GALNTL6: variants seen among roughly 807,000 people sequenced by gnomAD.
GALNTL6 encodes polypeptide N-acetylgalactosaminyltransferase like 6.
In GALNTL6, 46 loss-of-function variants were observed where a neutral mutation model predicts 73.7. The observed-to-expected ratio is 0.62, with a 90% CI of 0.49 to 0.80. The LOEUF is 0.80. GALNTL6 is among the 30% of genes least tolerant of loss of function. GALNTL6 has a pLI of 0.00. For synonymous variants in GALNTL6, 259 were observed against 263.7 expected (o/e 0.98, Z 0.17); for missense variants, 604 against 755.0 (o/e 0.80, Z 2.34).
chr4:172,202,589 G>A (rs1735989592), intron 2 of GALNTL6, among the ~76,000 whole-genome samples: 1 of 152,094 alleles, frequency 6.6e-6, no homozygotes, highest in Admixed American at 6.6e-5. Context: ...ATAGCTTCAT[G>A]TGGGGCATTA....
intron 2 of GALNTL6, among the ~76,000 whole-genome samples, chr4:172,066,723 A>T (rs1403011784): frequency 6.6e-6 from 1 of 152,076 alleles, no homozygotes; most frequent in Non-Finnish European, 1.5e-5. Context: ...TGAACACTAC[A>T]CTTATCATTT....
intron 5 of GALNTL6, among the ~76,000 whole-genome samples, chr4:172,507,134 C>T (rs191335076): frequency 0.017 from 963 of 55,140 alleles, 370 homozygotes; most frequent in African/African-American, 0.04. Context: ...TTTACTTGAC[C>T]TCTCTGGGCA....
intron 5 of GALNTL6, among the ~76,000 whole-genome samples, chr4:172,394,702 G>C (rs912948555): frequency 1.3e-5 from 2 of 152,048 alleles, no homozygotes; most frequent in Non-Finnish European, 2.9e-5. Flanking sequence ...AAAGTGCTGG[G>C]ATTACAGGCA....
intron 2 of GALNTL6, among the ~76,000 whole-genome samples, chr4:171,948,137 G>T (rs780511380): frequency 6.9e-6 from 1 of 143,940 alleles, no homozygotes; most frequent in Non-Finnish European, 1.5e-5. Context: ...GAAGGATTTA[G>T]AAAGAAAATG....
At chr4:172,022,260 C>T (rs1418518795) in intron 2 of GALNTL6, among the ~76,000 whole-genome samples, 6 of 151,984 alleles carry the variant, frequency 3.9e-5, no homozygotes, top group East Asian at 1.9e-4. Context: ...CCCATTTCTC[C>T]GCTGCCATTT....
At chr4:172,849,109 T>C (rs776312147) in intron 7 of GALNTL6, among the ~76,000 whole-genome samples, 1 of 152,122 alleles carries the variant, frequency 6.6e-6, no homozygotes, top group Non-Finnish European at 1.5e-5. Flanking sequence ...GATACCAAGA[T>C]TTCAGTCCTT....
Position 172,210,956 on chromosome 4 carries a change from T to A in GALNTL6, c.139-18700T>A, listed in dbSNP as rs1466516039. On this transcript the variant is annotated intron_variant, in intron 2 of 12. Coordinates refer to ENST00000506823, the MANE Select transcript of GALNTL6 (RefSeq NM_001034845.3). ...TTAATTTTCTTGTTCAAATTCCAGA[T>A]TTGTAATTTGAATGTTGTTCAATAA... Among the ~76,000 whole-genome samples, 4 of 152,222 alleles carry A rather than the reference T, an allele frequency of 2.6e-5. No homozygotes were observed. In the South Asian group the frequency reaches 6.2e-4, roughly 24 times the overall value.
intron 2 of GALNTL6, among the ~76,000 whole-genome samples, chr4:172,038,616 G>A (rs959234665): frequency 1.3e-5 from 2 of 152,064 alleles, no homozygotes; most frequent in East Asian, 1.9e-4. Flanking sequence ...TATGCATCAC[G>A]ATCCGTTACC....
intron 2 of GALNTL6, among the ~76,000 whole-genome samples, chr4:172,113,293 G>C (rs1732905141): frequency 6.6e-6 from 1 of 151,922 alleles, no homozygotes; most frequent in Non-Finnish European, 1.5e-5. Flanking sequence ...TCAGTGATTA[G>C]CATTTTTCTT....
chr4:172,589,515 G>A (rs1045971663), intron 5 of GALNTL6, among the ~76,000 whole-genome samples: 2 of 152,116 alleles, frequency 1.3e-5, no homozygotes, highest in African/African-American at 4.8e-5. Flanking sequence ...ACATGATGAG[G>A]CTCTGAGAAG....
At chr4:172,382,841 C>T (rs1317042627) in intron 5 of GALNTL6, among the ~76,000 whole-genome samples, 1 of 151,962 alleles carries the variant, frequency 6.6e-6, no homozygotes. Context: ...TTCTTTTCAA[C>T]CCATAATTGG....
intron 2 of GALNTL6, among the ~76,000 whole-genome samples, chr4:171,885,061 A>AAG (rs1553967147): frequency 6.6e-6 from 1 of 151,802 alleles, no homozygotes; most frequent in Non-Finnish European, 1.5e-5. Context: ...TACCTCAAAA[A>AAG]AAAAGAAAAG....
intron 10 of GALNTL6, among the ~76,000 whole-genome samples, chr4:172,971,062 G>T (rs539097749): frequency 6.6e-6 from 1 of 152,252 alleles, no homozygotes; most frequent in South Asian, 2.1e-4. Context: ...TCTGTTCAGG[G>T]TCCCTGACTT....
intron 3 of GALNTL6, among the ~76,000 whole-genome samples, chr4:172,275,304 G>A (rs953034102): frequency 1.3e-5 from 2 of 152,190 alleles, no homozygotes; most frequent in African/African-American, 4.8e-5. Flanking sequence ...TCTTAGATCT[G>A]TGGTATCATG....
Position 171,924,183 on chromosome 4 carries a change from TACACAC to T in GALNTL6, c.138+109491_138+109496del, listed in dbSNP as rs371649848. 3.7e-3 allele frequency among the ~76,000 whole-genome samples: 532 copies of T among 142,562 alleles called. 4 individuals are homozygous for T. The highest frequency in any genetic ancestry group is 0.013 in the African/African-American group (505 of 38,920). 93.5% of individuals were successfully genotyped at this position (142,562 alleles called of 152,430 possible). A position where few individuals can be genotyped will look rare whatever the true frequency, so the allele number is the denominator to read the frequency against. On this transcript the variant is annotated intron_variant, in intron 2 of 12. Transcript: ENST00000506823. ...GGTTAAAAAAAATACACCACACACA[TACACAC>T]ACACACACACACACACACACACACA... is the stretch of plus-strand genomic sequence containing the variant.
chr4:172,378,431 T>C (rs1447430324), intron 5 of GALNTL6, among the ~76,000 whole-genome samples: 1 of 152,200 alleles, frequency 6.6e-6, no homozygotes, highest in Non-Finnish European at 1.5e-5. Context: ...CTGGAAACAG[T>C]TAAGCACAAA....
At chr4:172,883,507 G>T (rs1474670161) in intron 8 of GALNTL6, among the ~76,000 whole-genome samples, 1 of 152,128 alleles carries the variant, frequency 6.6e-6, no homozygotes, top group Admixed American at 6.5e-5. Flanking sequence ...ACGCAGGGGT[G>T]AGCTGCCACA....
chr4:172,434,973 C>T (rs11728095), intron 5 of GALNTL6, among the ~76,000 whole-genome samples: 9,128 of 152,104 alleles, frequency 0.06, 362 homozygotes, highest in Non-Finnish European at 0.089. Context: ...TATGCAAGAT[C>T]CATCTTTAGA....
intron 5 of GALNTL6, among the ~76,000 whole-genome samples, chr4:172,676,677 A>G (rs1732320265): frequency 6.6e-6 from 1 of 152,218 alleles, no homozygotes; most frequent in Non-Finnish European, 1.5e-5. Context: ...ACTGATGGGC[A>G]TTCCTCAGAC....
Sources: gnomAD v4.1 joint callset for allele counts (sites outside exome capture counted in the v4.1 genomes callset) on GRCh38, gnomAD v4.1.1 for gene constraint, MANE v1.5 for transcripts, NCBI Gene and HGNC (gene_info 2026-07-23, HGNC 2026-07-21) for gene names.